The following ALG6 variants were observed in gnomAD, a reference collection of about 807,000 sequenced individuals.
The protein encoded by ALG6 is ALG6 alpha-1,3-glucosyltransferase.
Under a neutral mutation model 66.6 loss-of-function variants are expected in ALG6, and 46 were observed. The ratio of observed to expected loss-of-function variants is 0.69; its 90% CI spans 0.55 to 0.88. The LOEUF (loss-of-function observed/expected upper bound fraction) is 0.88. ALG6 is among the 40% of genes least tolerant of loss of function. The pLI is 0.00. For synonymous variants in ALG6, 185 were observed against 203.7 expected, an observed-to-expected ratio of 0.91 and a Z score of 0.78; for missense variants, 505 against 586.8, an observed-to-expected ratio of 0.86 and a Z score of 1.44.
intron 4 of ALG6, among the ~76,000 whole-genome samples, chr1:63,403,666 G>T (rs1188117898): frequency 2.1e-5 from 3 of 142,112 alleles, no homozygotes; most frequent in Non-Finnish European, 4.5e-5. Context: ...ACTTTAGTAG[G>T]CAAAATGGTA....
intron 12 of ALG6, among the ~76,000 whole-genome samples, chr1:63,422,435 A>C (rs1429317637): frequency 2.8e-5 from 1 of 35,794 alleles, no homozygotes; most frequent in South Asian, 9.9e-4. Context: ...AAATATAAAT[A>C]TATATATAAA....
chr1:63,371,271 A>G lies in ALG6; in HGVS notation c.82+212A>G, dbSNP rs1570026748. 7 of 553,874 alleles carry G rather than the reference A, an allele frequency of 1.3e-5. No individual in the cohort carries two copies. In the East Asian group the frequency reaches 2.2e-4, roughly 17 times the overall value. 34.3% of individuals were successfully genotyped at this position (553,874 alleles called of 1,614,324 possible). Reference sequence around the variant, plus strand: ...ATGCGCTTTGTGATGTGAGAAAGCAAAAATGTGTTCTAACAGGTAAGATGA... The same window carrying G: ...ATGCGCTTTGTGATGTGAGAAAGCAGAAATGTGTTCTAACAGGTAAGATGA... On this transcript the variant is annotated intron_variant, in intron 2 of 14. Coordinates refer to ENST00000263440, the MANE Select transcript of ALG6 (RefSeq NM_013339.4).
At position 63,370,753 on chromosome 1, in the gene ALG6, CT is replaced by C. The variant is rs1255831719; in HGVS notation, c.-207-9del. The C allele has an allele frequency of 4.6e-4, 252 of 549,548 alleles. No individual in the cohort carries two copies. Among genetic ancestry groups the C allele is most frequent in the East Asian group, 6.4e-4 (20 of 31,356 alleles). 34.0% of individuals were successfully genotyped at this position (549,548 alleles called of 1,614,324 possible). A position where few individuals can be genotyped will look rare whatever the true frequency, so the allele number is the denominator to read the frequency against. On this transcript the variant is annotated splice_polypyrimidine_tract_variant and intron_variant, in intron 1 of 14. Coordinates refer to ENST00000263440, the MANE Select transcript of ALG6 (RefSeq NM_013339.4). The stretch of plus-strand genomic sequence containing the variant: ...ACTGTACTCAGCTGAATCTTGATAT[CT>C]TTTTTTTTCCCCTTAGGATACTTCT...
chr1:63,413,372 G>A (rs937406392), intron 9 of ALG6, among the ~76,000 whole-genome samples: 1 of 152,124 alleles, frequency 6.6e-6, no homozygotes, highest in Non-Finnish European at 1.5e-5. Context: ...CATGTTTGAT[G>A]GTGTTGCCAG....
At chr1:63,410,255 A>G (rs1644509744) in intron 7 of ALG6, among the ~76,000 whole-genome samples, 1 of 151,900 alleles carries the variant, frequency 6.6e-6, no homozygotes, top group Non-Finnish European at 1.5e-5. Context: ...CTGTGAATTT[A>G]TACTTTTTGT....
intron 3 of ALG6, among the ~76,000 whole-genome samples, chr1:63,399,905 T>C (rs919889427): frequency 6.6e-6 from 1 of 151,866 alleles, no homozygotes; most frequent in African/African-American, 2.4e-5. Context: ...TATTGATATA[T>C]CTAAAGTAAG....
chr1:63,381,156 T>TA (rs1648287340), intron 2 of ALG6, among the ~76,000 whole-genome samples: 1 of 151,110 alleles, frequency 6.6e-6, no homozygotes, highest in Admixed American at 6.6e-5. Context: ...CTTGTCTTTA[T>TA]AAAAAATACA....
chr1:63,381,281 C>T (rs934900599), intron 2 of ALG6, among the ~76,000 whole-genome samples: 4 of 152,090 alleles, frequency 2.6e-5, no homozygotes, highest in Admixed American at 6.5e-5. Flanking sequence ...GGTGAAACCC[C>T]GTCTCTACTA....
At chr1:63,372,450 T>G (rs973876041) in intron 2 of ALG6, among the ~76,000 whole-genome samples, 2 of 151,808 alleles carry the variant, frequency 1.3e-5, no homozygotes, top group African/African-American at 4.9e-5. Context: ...TATATATATG[T>G]GTGTCTATAT....
In ALG6 at chr1:63,367,641, C is replaced by G. The variant is rs879579191; in HGVS notation, c.-254C>G. ...CGGGGGCGAGCGCGCATGCGCCTTC[C>G]TGGGACCCACGGCAGGCGCGAATCC... On this transcript the variant is annotated 5_prime_UTR_variant, in exon 1 of 15. Transcript: ENST00000263440. 3 of 152,344 alleles carry G rather than the reference C, an allele frequency of 2.0e-5. No homozygotes were observed. The highest frequency in any genetic ancestry group is 4.4e-5 in the Non-Finnish European group (3 of 68,144). The allele number at this position is 152,344 out of a possible 1,614,324, so 9.4% of individuals were successfully genotyped here. A position where few individuals can be genotyped will look rare whatever the true frequency, so the allele number is the denominator to read the frequency against.
chr1:63,400,275 ATATATACG>A lies in ALG6; in HGVS notation c.168-1972_168-1965del, dbSNP rs1255672927. ...TATATGTATATATATATACGTATAT[ATATATACG>A]TATATATATATACGTATATATATGT... On this transcript the variant is annotated intron_variant, in intron 3 of 14. Transcript: ENST00000263440. Among the ~76,000 whole-genome samples the A allele has an allele frequency of 2.8e-4, 6 of 21,802 alleles. 2 individuals are homozygous for A. The East Asian group carries it at 8.4e-3, about 30-fold the overall frequency. The allele number at this position is 21,802 out of a possible 152,430, so 14.3% of individuals were successfully genotyped here. A position where few individuals can be genotyped will look rare whatever the true frequency, so the allele number is the denominator to read the frequency against.
intron 11 of ALG6, among the ~76,000 whole-genome samples, chr1:63,418,757 G>A (rs2100427418): frequency 6.6e-6 from 1 of 152,286 alleles, no homozygotes; most frequent in South Asian, 2.1e-4. Flanking sequence ...ATGGAGAGAA[G>A]TGGATGGATA....
intron 12 of ALG6, among the ~76,000 whole-genome samples, chr1:63,422,243 A>ATT (rs1557594972): frequency 1.0e-5 from 1 of 96,502 alleles, no homozygotes; most frequent in African/African-American, 4.3e-5. Context: ...ATATATATAT[A>ATT]AATATATATA....
At chr1:63,422,195 ATC>A (rs1644579948) in intron 12 of ALG6, among the ~76,000 whole-genome samples, 1 of 126,716 alleles carries the variant, frequency 7.9e-6, no homozygotes, top group Non-Finnish European at 1.6e-5. Flanking sequence ...ATAAATATAT[ATC>A]TATATGAATA....
chr1:63,388,006 C>G (rs530614917), intron 2 of ALG6, among the ~76,000 whole-genome samples: 1 of 152,082 alleles, frequency 6.6e-6, no homozygotes. Flanking sequence ...TTGTAGGCAA[C>G]AGACTGTTCA....
intron 7 of ALG6, among the ~76,000 whole-genome samples, chr1:63,407,438 T>C (rs919096816): frequency 2.0e-5 from 3 of 152,114 alleles, no homozygotes; most frequent in African/African-American, 7.2e-5. Context: ...AAGTGTAACA[T>C]GTCTTCTATC....
Position 63,415,935 on chromosome 1 carries a change from C to T in ALG6, c.965C>T (p.Ser322Phe). ...ATAAAATTAATACTTCAGCCCTCTTCCAAAGGATTCAAATTTACACTGGTA... is the reference window on the plus strand; with the variant it reads ...ATAAAATTAATACTTCAGCCCTCTTTCAAAGGATTCAAATTTACACTGGTA... ...ACIKLILQPS[S>F]KGFKFTLVSC... The change falls in exon 11 of 15, where the codon TCC becomes TTC. Residue 322 changes from serine (S) to phenylalanine (F), a missense_variant. Ser to Phe is a radical substitution (Grantham distance 155). Coordinates refer to ENST00000263440, the MANE Select transcript of ALG6 (RefSeq NM_013339.4). 1 of 1,611,580 alleles carries T rather than the reference C, an allele frequency of 6.2e-7. No homozygotes were observed. Among genetic ancestry groups the T allele is most frequent in the Non-Finnish European group, 8.5e-7 (1 of 1,178,012 alleles).
rs562091196 is a variant in ALG6 at position 63,377,445 on chromosome 1, G to A, written c.82+6386G>A. On this transcript the variant is annotated intron_variant, in intron 2 of 14. Coordinates refer to ENST00000263440, the MANE Select transcript of ALG6 (RefSeq NM_013339.4). ...AGATATGTCTAAGCAATTTCCTTCCGCAATTGCTGTTTCCCTTCTCTATTG... is the reference window on the plus strand; with the variant it reads ...AGATATGTCTAAGCAATTTCCTTCCACAATTGCTGTTTCCCTTCTCTATTG... 3.3e-5 allele frequency among the ~76,000 whole-genome samples: 5 copies of A among 151,770 alleles called. No homozygotes were observed. In the East Asian group the frequency reaches 5.8e-4, roughly 18 times the overall value.
chr1:63,435,758 G>C (rs545794958), intron 14 of ALG6, among the ~76,000 whole-genome samples: 1 of 151,312 alleles, frequency 6.6e-6, no homozygotes, highest in South Asian at 2.1e-4. Flanking sequence ...TAAAAATTCT[G>C]TTCCTCAGTC....
Sources: allele counts gnomAD v4.1 joint callset (sites outside exome capture counted in the v4.1 genomes callset), GRCh38; gene constraint gnomAD v4.1.1; transcripts MANE v1.5; gene names NCBI Gene and HGNC (gene_info 2026-07-23, HGNC 2026-07-21).